SEMA6A: variants seen among roughly 807,000 people sequenced by gnomAD.
SEMA6A encodes semaphorin-6A.
A neutral mutation model predicts 96.8 loss-of-function variants in SEMA6A; 25 were observed. The observed-to-expected ratio is 0.26, with a 90% CI of 0.19 to 0.36. SEMA6A has a LOEUF of 0.36. Among genes scored for constraint, SEMA6A ranks in the 10% least tolerant of loss-of-function variants. SEMA6A has a pLI of 1.00. For missense variants in SEMA6A, 1,363 were observed against 1,323.1 expected (o/e 1.03, Z -0.47); for synonymous variants, 612 against 518.0 (o/e 1.18, Z -2.46).
chr5:116,504,884 G>C lies in SEMA6A; in HGVS notation c.61C>G (p.Pro21Ala). Residue 21 changes from proline (P) to alanine (A), a missense_variant, in exon 2 of 19, where the codon CCA (proline) becomes GCA (alanine). Coordinates refer to ENST00000343348, the MANE Select transcript of SEMA6A (RefSeq NM_020796.5). ...TLLHFAGAGF[P>A]EDSEPISISH... ...ATACTGATTGGCTCAGAATCTTCTG[G>C]GAAACCAGCCCCAGCAAAGTGTAGC... 1 of 1,604,496 alleles carries C rather than the reference G, an allele frequency of 6.2e-7. No individual in the cohort carries two copies. Among genetic ancestry groups the C allele is most frequent in the Non-Finnish European group, 8.5e-7 (1 of 1,175,482 alleles).
At chr5:116,559,557 G>A (rs1041818794) in intron 1 of SEMA6A, among the ~76,000 whole-genome samples, 1 of 152,158 alleles carries the variant, frequency 6.6e-6, no homozygotes, top group Admixed American at 6.5e-5. Context: ...ACACCGCCTT[G>A]TGTTGTTTGT....
intron 1 of SEMA6A, among the ~76,000 whole-genome samples, chr5:116,558,284 CT>C (rs1760683674): frequency 6.6e-6 from 1 of 152,024 alleles, no homozygotes; most frequent in Non-Finnish European, 1.5e-5. Flanking sequence ...GAATACCCAT[CT>C]TTTTTAATTT....
At chr5:116,571,025 G>A (rs868102268) in intron 1 of SEMA6A, among the ~76,000 whole-genome samples, 3 of 152,144 alleles carry the variant, frequency 2.0e-5, no homozygotes, top group African/African-American at 7.2e-5. Flanking sequence ...ACTAGATTTT[G>A]GAAGAACTTG....
chr5:116,469,808 C>G (rs1171717448), intron 17 of SEMA6A, among the ~76,000 whole-genome samples: 1 of 152,174 alleles, frequency 6.6e-6, no homozygotes, highest in African/African-American at 2.4e-5. Flanking sequence ...ACATGGAAAA[C>G]TCATTGGTAA....
intron 1 of SEMA6A, among the ~76,000 whole-genome samples, chr5:116,537,676 C>T (rs552848376): frequency 3.3e-5 from 5 of 152,048 alleles, no homozygotes; most frequent in Admixed American, 6.5e-5. Flanking sequence ...TTGGTGACTA[C>T]GCTTATTGCC....
chr5:116,479,928 G>C (rs557413304), intron 12 of SEMA6A, among the ~76,000 whole-genome samples, 194 bp downstream of exon 12: 39 of 152,238 alleles, frequency 2.6e-4, no homozygotes, highest in Non-Finnish European at 1.9e-4. Flanking sequence ...TGAAAATATT[G>C]GAACTCTTCT....
At chr5:116,496,190 G>C (rs926118331) in intron 5 of SEMA6A, 61 bp downstream of exon 5, 3 of 1,338,580 alleles carry the variant, frequency 2.2e-6, no homozygotes, top group Non-Finnish European at 3.2e-6. Context: ...TCTATGGCTG[G>C]AGATAACAGT....
intron 2 of SEMA6A, among the ~76,000 whole-genome samples, chr5:116,503,303 C>A (rs753806090): frequency 6.6e-6 from 1 of 152,154 alleles, no homozygotes; most frequent in Non-Finnish European, 1.5e-5. Context: ...CTGACCATTA[C>A]TCACAGTGGG....
chr5:116,514,408 C>T (rs1454771749), intron 1 of SEMA6A, among the ~76,000 whole-genome samples: 5 of 152,198 alleles, frequency 3.3e-5, no homozygotes, highest in African/African-American at 2.4e-5. Flanking sequence ...TTGCTGGCCA[C>T]ATGTATGTCT....
In SEMA6A at chr5:116,447,562, T is replaced by A. The variant is rs532157154; in HGVS notation, c.2144A>T (p.Lys715Ile). The A allele has an allele frequency of 6.2e-7, 1 of 1,614,012 alleles. No individual in the cohort carries two copies. Among genetic ancestry groups the A allele is most frequent in the East Asian group, 2.2e-5 (1 of 44,876 alleles). The change falls in exon 19 of 19, where the codon AAA (lysine) becomes ATA (isoleucine). Residue 715 changes from lysine (K) to isoleucine (I), a missense_variant. Transcript: ENST00000343348. ...LSGLFGDTQS[K>I]DPKPEAILTP... ...GAGGATGGCCTCCGGCTTTGGGTCTTTGGATTGAGTGTCCCCAAAGAGGCC... is the reference window on the plus strand; with the variant it reads ...GAGGATGGCCTCCGGCTTTGGGTCTATGGATTGAGTGTCCCCAAAGAGGCC...
At chr5:116,530,683 T>C (rs1487358624) in intron 1 of SEMA6A, among the ~76,000 whole-genome samples, 1 of 152,204 alleles carries the variant, frequency 6.6e-6, no homozygotes, top group Admixed American at 6.6e-5. Flanking sequence ...TTTGGACTTC[T>C]GATGGGTAAA....
intron 6 of SEMA6A, among the ~76,000 whole-genome samples, chr5:116,494,396 A>T (rs948555317): frequency 6.6e-6 from 1 of 152,170 alleles, no homozygotes; most frequent in Non-Finnish European, 1.5e-5. Context: ...GGGAGGCACT[A>T]TGTTAGGTTC....
chr5:116,503,442 A>T (rs1441021257), intron 2 of SEMA6A, among the ~76,000 whole-genome samples: 1 of 152,148 alleles, frequency 6.6e-6, no homozygotes, highest in Non-Finnish European at 1.5e-5. Context: ...AAACAACTCA[A>T]ATGTCTCTAC....
At chr5:116,515,106 A>C (rs757732105) in intron 1 of SEMA6A, among the ~76,000 whole-genome samples, 2 of 152,212 alleles carry the variant, frequency 1.3e-5, no homozygotes, top group African/African-American at 2.4e-5. Flanking sequence ...GTGGGAACTA[A>C]GACATTTCAG....
chr5:116,574,367 A>C lies in SEMA6A; in HGVS notation c.-221T>G, dbSNP rs1327772141. The C allele has an allele frequency of 1.3e-5, 2 of 152,198 alleles. No homozygotes were observed. Among genetic ancestry groups the C allele is most frequent in the African/African-American group, 4.8e-5 (2 of 41,314 alleles). The allele number at this position is 152,198 out of a possible 1,614,324, so 9.4% of individuals were successfully genotyped here. ...TTTGGGGGAAATAGTCGCGGCGACT[A>C]CTTTCTGGGATGCAAACGCGATGTG... On this transcript the variant is annotated 5_prime_UTR_variant, in exon 1 of 19. An upstream open reading frame in the 5' UTR loses its in-frame stop. Transcript: ENST00000343348.
chr5:116,472,852 AT>A (rs1456276309), intron 17 of SEMA6A: 24 of 1,435,764 alleles, frequency 1.7e-5, no homozygotes, highest in Middle Eastern at 2.4e-4. Flanking sequence ...GACTTCACGA[AT>A]TTAAAAAAAA....
intron 1 of SEMA6A, among the ~76,000 whole-genome samples, chr5:116,535,627 C>T (rs545029477): frequency 6.6e-6 from 1 of 152,294 alleles, no homozygotes; most frequent in East Asian, 1.9e-4. Context: ...TCCATGCGGT[C>T]CTGACACACC....
Position 116,447,147 on chromosome 5 carries a change from C to T in SEMA6A, c.2559G>A (p.Lys853=), listed in dbSNP as rs1754271729. ...TGCTGCTGAGATGTTCCTTGATGGT[C>T]TTATACTCCAGTGTGGCGGCCTGGT... The part of the protein sequence containing the change: ...LEDQAATLEY[K]TIKEHLSSKS... Residue 853 remains lysine (K), a synonymous_variant, in exon 19 of 19, where the codon AAG becomes AAA. Coordinates refer to ENST00000343348, the MANE Select transcript of SEMA6A (RefSeq NM_020796.5). The T allele has an allele frequency of 1.2e-6, 2 of 1,613,978 alleles. No individual in the cohort carries two copies. Among genetic ancestry groups the T allele is most frequent in the East Asian group, 2.2e-5 (1 of 44,850 alleles).
Position 116,527,219 on chromosome 5 carries a change from A to C in SEMA6A, c.-38-22237T>G, listed in dbSNP as rs1015981318. On this transcript the variant is annotated intron_variant, in intron 1 of 18. Transcript: ENST00000343348. ...ATTCAAACACAAGTTAATTCTTCAC[A>C]GTCATACTTAACATTATATATTTTT... 5.3e-5 allele frequency among the ~76,000 whole-genome samples: 8 copies of C among 152,170 alleles called. No individual in the cohort carries two copies. In the South Asian group the frequency reaches 1.7e-3, roughly 32 times the overall value.
Sources: gnomAD v4.1 joint callset for allele counts (sites outside exome capture counted in the v4.1 genomes callset) on GRCh38, gnomAD v4.1.1 for gene constraint, MANE v1.5 for transcripts, NCBI Gene and HGNC (gene_info 2026-07-23, HGNC 2026-07-21) for gene names.